ELP2: variants seen among roughly 807,000 people sequenced by gnomAD.
ELP2 encodes elongator acetyltransferase complex subunit 2.
Under a neutral mutation model 119.2 loss-of-function variants are expected in ELP2, and 90 were observed. The ratio of observed to expected loss-of-function variants is 0.75; its 90% CI spans 0.64 to 0.90. ELP2 has a LOEUF of 0.90. ELP2 is among the 40% of genes least tolerant of loss of function. ELP2 has a pLI of 0.00. For missense variants in ELP2, 921 were observed against 967.8 expected, an observed-to-expected ratio of 0.95 and a Z score of 0.64; for synonymous variants, 339 against 331.0, an observed-to-expected ratio of 1.02 and a Z score of -0.26.
intron 12 of ELP2, among the ~76,000 whole-genome samples, chr18:36,155,345 TA>T (rs879784570): frequency 3.5e-4 from 53 of 150,302 alleles, no homozygotes; most frequent in Non-Finnish European, 6.6e-4. Context: ...CTAATGTGTT[TA>T]AAAGAAAACA....
chr18:36,160,957 T>C lies in ELP2; in HGVS notation c.1714T>C (p.Cys572Arg), dbSNP rs752410002. The C allele has an allele frequency of 5.0e-6, 8 of 1,613,444 alleles. No homozygotes were observed. In the African/African-American group the frequency reaches 1.1e-4, roughly 22 times the overall value. Residue 572 changes from cysteine to arginine, a missense_variant, in exon 17 of 22, where the codon TGT becomes CGT. Coordinates refer to ENST00000358232, the MANE Select transcript of ELP2 (RefSeq NM_018255.4). ...KLYGHGYEIF[C>R]VTCNSSKTLL... ...ATATGGGCACGGTTATGAAATATTT[T>C]GTGTTACTTGTAACAGTTCAAAGAC...
At chr18:36,172,069 A>G (rs1050600462) in intron 21 of ELP2, among the ~76,000 whole-genome samples, 2 of 152,046 alleles carry the variant, frequency 1.3e-5, no homozygotes, top group African/African-American at 4.8e-5. Flanking sequence ...GTGTTGGCTC[A>G]TGGTCTCTAC....
rs769423459 is a variant in ELP2, at chr18:36,175,823, T to G, written c.*1182T>G. Reference sequence around the variant, plus strand: ...TGGAACATAGAGCCATTTGGCAGATTGACAATGCAGTGACAGCTGTATATA... The same window carrying G: ...TGGAACATAGAGCCATTTGGCAGATGGACAATGCAGTGACAGCTGTATATA... On this transcript the variant is annotated 3_prime_UTR_variant, in exon 22 of 22. Transcript: ENST00000358232. The G allele has an allele frequency of 6.6e-6, 1 of 151,882 alleles. No homozygotes were observed. Among genetic ancestry groups the G allele is most frequent in the Non-Finnish European group, 1.5e-5 (1 of 68,006 alleles). 9.4% of individuals were successfully genotyped at this position (151,882 alleles called of 1,614,324 possible).
intron 11 of ELP2, among the ~76,000 whole-genome samples, chr18:36,147,430 T>C (rs575786336): frequency 2.4e-4 from 37 of 151,822 alleles, no homozygotes; most frequent in African/African-American, 8.9e-4. Context: ...TTTGTTTGTT[T>C]TGAGACCGAG....
intron 9 of ELP2, 164 bp downstream of exon 9, chr18:36,145,198 C>G: frequency 1.5e-6 from 1 of 650,472 alleles, no homozygotes. Flanking sequence ...CTGCTGGACA[C>G]TCAGTTCCAT....
intron 11 of ELP2, among the ~76,000 whole-genome samples, chr18:36,151,248 C>G (rs918661549): frequency 6.6e-6 from 1 of 151,972 alleles, no homozygotes; most frequent in African/African-American, 2.4e-5. Context: ...CCATGCCCGG[C>G]TAATTTCTAT....
intron 18 of ELP2, chr18:36,165,045 C>A: frequency 8.8e-6 from 2 of 227,206 alleles, no homozygotes; most frequent in South Asian, 1.2e-4. Flanking sequence ...AATGAAGATA[C>A]AACTAAGAAA....
At chr18:36,174,184 T>C (rs2091164352) in intron 21 of ELP2, among the ~76,000 whole-genome samples, 1 of 152,220 alleles carries the variant, frequency 6.6e-6, no homozygotes, top group Non-Finnish European at 1.5e-5. Flanking sequence ...CATTGATCAT[T>C]AAAACAACAT....
chr18:36,161,524 T>C (rs72888740), intron 17 of ELP2, among the ~76,000 whole-genome samples: 247 of 152,328 alleles, frequency 1.6e-3, no homozygotes, highest in Non-Finnish European at 3.0e-3. Context: ...GAGGACACTC[T>C]TGGCACTGAC....
intron 1 of ELP2, among the ~76,000 whole-genome samples, chr18:36,132,376 A>G (rs1427109488): frequency 6.6e-6 from 1 of 152,166 alleles, no homozygotes; most frequent in Non-Finnish European, 1.5e-5. Context: ...AGTGGGAGAG[A>G]CAGTGAAGTA....
At chr18:36,162,460 A>C (rs2090769749) in intron 17 of ELP2, among the ~76,000 whole-genome samples, 1 of 152,124 alleles carries the variant, frequency 6.6e-6, no homozygotes, top group South Asian at 2.1e-4. Flanking sequence ...TTGTTGATCC[A>C]TTCACTTATT....
In ELP2 at chr18:36,164,490, C is replaced by G. The variant is rs774252532; in HGVS notation, c.1777C>G (p.His593Asp). ...TGTCCTATAGGCAGCTAAGAAAGAG[C>G]ATGCAGCTATCATTCTTTGGAACAC... is the stretch of plus-strand genomic sequence containing the variant. ...ASACKAAKKE[H>D]AAIILWNTTS... is the part of the protein sequence containing the mutation. The change falls in exon 18 of 22, where the codon CAT becomes GAT. Residue 593 changes from histidine (H) to aspartate (D), a missense_variant. Transcript: ENST00000358232. The G allele has an allele frequency of 6.2e-7, 1 of 1,613,940 alleles. No homozygotes were observed. The highest frequency in any genetic ancestry group is 1.1e-5 in the South Asian group (1 of 91,082).
chr18:36,164,791 C>A, intron 18 of ELP2, 124 bp downstream of exon 18: 2 of 931,546 alleles, frequency 2.1e-6, no homozygotes, highest in Admixed American at 2.1e-5. Flanking sequence ...TCTTTGAAGC[C>A]TTTCAAAGTT....
At position 36,129,959 on chromosome 18, in the gene ELP2, C is replaced by T. The variant is rs1328523262; in HGVS notation, c.26C>T (p.Ser9Phe). The T allele has an allele frequency of 1.9e-6, 3 of 1,614,088 alleles. No homozygotes were observed. Among genetic ancestry groups the T allele is most frequent in the Admixed American group, 3.3e-5 (2 of 60,004 alleles). Residue 9 changes from serine (S) to phenylalanine (F), a missense_variant, in exon 1 of 22, where the codon TCT becomes TTT. By Grantham distance (155) the Ser-to-Phe change is radical. Transcript: ENST00000358232. The stretch of plus-strand genomic sequence containing the variant: ...ATGGTGGCACCCGTGCTGGAGACTT[C>T]TCACGTGTTTTGCTGCCCAAACCGG... Reference protein sequence around the residue: MVAPVLETSHVFCCPNRVR... With the variant: MVAPVLETFHVFCCPNRVR...
At chr18:36,158,969 T>G in intron 14 of ELP2, 65 bp downstream of exon 14, 1 of 1,090,240 alleles carries the variant, frequency 9.2e-7, no homozygotes, top group Admixed American at 1.7e-5. Context: ...CATACACTTG[T>G]GTAATGTCTA....
intron 7 of ELP2, 51 bp from the exon 8 acceptor site, chr18:36,142,775 A>G (rs1328090613): frequency 7.7e-7 from 1 of 1,293,300 alleles, no homozygotes; most frequent in Non-Finnish European, 1.1e-6. Flanking sequence ...TCTTATACAT[A>G]AACTTCACAA....
At position 36,177,215 on chromosome 18, in the gene ELP2, C is replaced by CA. The variant is rs1451539239; in HGVS notation, c.*2575dup. ...GTGGTAGTTTTTGTATGCCCATACT[C>CA]ACGGCACCATTATTCACAGTAGCTA... On this transcript the variant is annotated 3_prime_UTR_variant, in exon 22 of 22. Transcript: ENST00000358232. The CA allele has an allele frequency of 6.6e-6, 1 of 152,128 alleles. No individual in the cohort carries two copies. Among genetic ancestry groups the CA allele is most frequent in the East Asian group, 1.9e-4 (1 of 5,200 alleles). 9.4% of individuals were successfully genotyped at this position (152,128 alleles called of 1,614,324 possible). A position where few individuals can be genotyped will look rare whatever the true frequency, so the allele number is the denominator to read the frequency against.
At position 36,142,757 on chromosome 18, in the gene ELP2, C is replaced by CA; in HGVS notation, c.656-63dup. 5 of 1,059,636 alleles carry CA rather than the reference C, an allele frequency of 4.7e-6. No homozygotes were observed. In the South Asian group the frequency reaches 5.9e-5, roughly 12 times the overall value. The allele number at this position is 1,059,636 out of a possible 1,614,324, so 65.6% of individuals were successfully genotyped here. ...AATCTGGAAATATATATATTATAGA[C>CA]AAAAAAGTCTTATACATAAACTTCA... On this transcript the variant is annotated intron_variant, in intron 7 of 21. Transcript: ENST00000358232.
rs1418252908 is a variant in ELP2 at position 36,136,291 on chromosome 18, A to G, written c.218-16A>G. 8 of 1,583,170 alleles carry G rather than the reference A, an allele frequency of 5.1e-6. No homozygotes were observed. The highest frequency in any genetic ancestry group is 1.1e-5 in the South Asian group (1 of 90,460). On this transcript the variant is annotated splice_polypyrimidine_tract_variant and intron_variant, in intron 2 of 21. Coordinates refer to ENST00000358232, the MANE Select transcript of ELP2 (RefSeq NM_018255.4). ...AAAATGAATAAAGATATTTACTGAG[A>G]TATAATTTTTTTCAGCCCCTTCTAC...
Sources: gnomAD v4.1 joint callset for allele counts (sites outside exome capture counted in the v4.1 genomes callset) on GRCh38, gnomAD v4.1.1 for gene constraint, MANE v1.5 for transcripts, NCBI Gene and HGNC (gene_info 2026-07-23, HGNC 2026-07-21) for gene names.